The following EML2 variants were observed in gnomAD, a reference collection of about 807,000 sequenced individuals.
EML2 encodes EMAP like 2.
Under a neutral mutation model 84.7 loss-of-function variants are expected in EML2, and 59 were observed. The observed-to-expected ratio is 0.70, with a 90% CI of 0.56 to 0.86. The LOEUF (loss-of-function observed/expected upper bound fraction) is 0.86. EML2 is among the 40% of genes least tolerant of loss of function. EML2 has a pLI of 0.00. For synonymous variants in EML2, 352 were observed against 348.9 expected, an observed-to-expected ratio of 1.01 and a Z score of -0.10; for missense variants, 818 against 855.6, an observed-to-expected ratio of 0.96 and a Z score of 0.55.
chr19:45,613,345 G>C (rs547727632), intron 18 of EML2, among the ~76,000 whole-genome samples, 196 bp downstream of exon 18: 4 of 152,146 alleles, frequency 2.6e-5, no homozygotes, highest in Non-Finnish European at 5.9e-5. Flanking sequence ...CAGAGAACCA[G>C]GTCTTCACCA....
intron 16 of EML2, 42 bp downstream of exon 16, chr19:45,615,760 T>C (rs1314282009): frequency 1.3e-6 from 2 of 1,524,128 alleles, no homozygotes; most frequent in East Asian, 2.3e-5. Context: ...AGTCTGCAAA[T>C]GAGACGGAGG....
At chr19:45,645,623 G>T, upstream of EML2, 1 of 574,052 alleles carries the variant, frequency 1.7e-6, no homozygotes, top group Non-Finnish European at 2.9e-6. Context: ...GCCCACAACC[G>T]GAGTATAGTC....
chr19:45,634,123 A>G (rs1160624720), intron 4 of EML2, among the ~76,000 whole-genome samples, 199 bp downstream of exon 4: 1 of 152,144 alleles, frequency 6.6e-6, no homozygotes, highest in Non-Finnish European at 1.5e-5. Flanking sequence ...CACCTGAAAT[A>G]TTGAAATATT....
At chr19:45,615,672 A>G in intron 16 of EML2, 130 bp downstream of exon 16, 3 of 776,666 alleles carry the variant, frequency 3.9e-6, no homozygotes, top group Non-Finnish European at 6.5e-6. Context: ...GCGGTCCCTA[A>G]ATTCCAAATC....
chr19:45,615,722 C>T (rs1402338833), intron 16 of EML2, 80 bp downstream of exon 16: 7 of 1,241,238 alleles, frequency 5.6e-6, no homozygotes, highest in Non-Finnish European at 7.1e-6. Flanking sequence ...GGCTTGAAGC[C>T]CCTCCCTCCC....
chr19:45,640,266 T>G (rs1268930100), upstream of EML2: 1 of 152,218 alleles, frequency 6.6e-6, no homozygotes, highest in Non-Finnish European at 1.5e-5. Flanking sequence ...TCGACCAAAC[T>G]GGAGTGCAAT....
At chr19:45,645,126 C>T (rs1974930977), upstream of EML2, 4 of 916,048 alleles carry the variant, frequency 4.4e-6, no homozygotes, top group Admixed American at 5.8e-5. Flanking sequence ...AGGGACCTTG[C>T]TCTTGGGTCA....
chr19:45,630,346 G>C (rs1568469640), intron 6 of EML2, among the ~76,000 whole-genome samples: 1 of 151,628 alleles, frequency 6.6e-6, no homozygotes, highest in East Asian at 1.9e-4. Context: ...GAGGTCAGGA[G>C]TTCGAGGCCA....
rs1378989670 is a variant in EML2, at chr19:45,609,740, C to T, written c.1873G>A (p.Ala625Thr). ...GGHSSHVTNV[A>T]FLWDDSMALT... ...GCCATGCTGTCATCCCACAAGAAGG[C>T]CACATTTGTCACATGGCTGCTGTGT... The change falls in exon 19 of 19, where the codon GCC becomes ACC. Residue 625 changes from alanine to threonine, a missense_variant. Ala to Thr is a moderately conservative substitution (Grantham distance 58). Coordinates refer to ENST00000245925, the MANE Select transcript of EML2 (RefSeq NM_012155.4). 6.2e-7 allele frequency: 1 copy of T among 1,613,332 alleles called. No homozygotes were observed. The highest frequency in any genetic ancestry group is 8.5e-7 in the Non-Finnish European group (1 of 1,179,764).
In EML2 at chr19:45,632,703, C is replaced by T. The variant is rs1400170266; in HGVS notation, c.510+158G>A. The T allele has an allele frequency of 9.4e-6, 6 of 641,652 alleles. No homozygotes were observed. In the African/African-American group the frequency reaches 1.1e-4, roughly 12 times the overall value. The allele number at this position is 641,652 out of a possible 1,614,324, so 39.7% of individuals were successfully genotyped here. A position where few individuals can be genotyped will look rare whatever the true frequency, so the allele number is the denominator to read the frequency against. On this transcript the variant is annotated intron_variant, in intron 6 of 18. Transcript: ENST00000245925. ...GGCGGGCACGGTGACTCACCCGCCC[C>T]TTGGGGTGAGGACACGCCCTCATTG... is the stretch of plus-strand genomic sequence containing the variant.
At chr19:45,631,755 G>A (rs1055787247) in intron 6 of EML2, among the ~76,000 whole-genome samples, 1 of 151,948 alleles carries the variant, frequency 6.6e-6, no homozygotes, top group Admixed American at 6.6e-5. Flanking sequence ...GCCCAAGTTG[G>A]AGTGTAGTGG....
At chr19:45,629,034 C>G (rs967809900) in intron 7 of EML2, among the ~76,000 whole-genome samples, 1 of 152,226 alleles carries the variant, frequency 6.6e-6, no homozygotes, top group Middle Eastern at 3.4e-3. Flanking sequence ...CCACCTCAAA[C>G]CCACCCTTCT....
intron 11 of EML2, among the ~76,000 whole-genome samples, chr19:45,620,593 C>T (rs1971566648): frequency 6.6e-6 from 1 of 151,390 alleles, no homozygotes; most frequent in African/African-American, 2.4e-5. Flanking sequence ...CCTATAATTC[C>T]AGCTACTCGG....
At chr19:45,618,573 G>C (rs1193982101) in intron 12 of EML2, among the ~76,000 whole-genome samples, 1 of 151,918 alleles carries the variant, frequency 6.6e-6, no homozygotes, top group Non-Finnish European at 1.5e-5. Flanking sequence ...CTCCCTTCCA[G>C]TCAAGAACCT....
chr19:45,644,145 C>T (rs1974852340), upstream of EML2, among the ~76,000 whole-genome samples: 2 of 152,178 alleles, frequency 1.3e-5, 1 homozygote, highest in South Asian at 4.1e-4. Flanking sequence ...AGCACGTTCC[C>T]GGCTCATGTT....
intron 16 of EML2, among the ~76,000 whole-genome samples, chr19:45,615,528 TAATA>T (rs1003644521): frequency 2.3e-5 from 3 of 128,250 alleles, no homozygotes; most frequent in African/African-American, 3.6e-5. Context: ...AAAATAATAA[TAATA>T]ATAATAATAA....
At position 45,632,912 on chromosome 19, in the gene EML2, C is replaced by T. The variant is rs751446112; in HGVS notation, c.459G>A (p.Leu153=). Residue 153 remains leucine, a synonymous_variant, in exon 6 of 19, where the codon CTG becomes CTA. Coordinates refer to ENST00000245925, the MANE Select transcript of EML2 (RefSeq NM_012155.4). ...DSVSLSTLHV[L]GLGVFDRAVC... ...CGGCTCTGTCAAACACCCCCAAGCCCAGCACGTGTAAGGTGGAGAGGGAAA... is the reference window on the plus strand; with the variant it reads ...CGGCTCTGTCAAACACCCCCAAGCCTAGCACGTGTAAGGTGGAGAGGGAAA... 1.5e-5 allele frequency: 25 copies of T among 1,614,086 alleles called. No homozygotes were observed. Among genetic ancestry groups the T allele is most frequent in the Middle Eastern group, 1.6e-4 (1 of 6,084 alleles).
intron 5 of EML2, 31 bp downstream of exon 5, chr19:45,633,039 C>G (rs1973262769): frequency 3.1e-6 from 5 of 1,593,306 alleles, no homozygotes; most frequent in Admixed American, 1.8e-5. Flanking sequence ...GCGTCCTGCA[C>G]TCTTTTCTGC....
intron 17 of EML2, among the ~76,000 whole-genome samples, chr19:45,614,271 G>A (rs1372593721): frequency 6.6e-6 from 1 of 152,128 alleles, no homozygotes; most frequent in Admixed American, 6.6e-5. Context: ...AGGAGAGCAG[G>A]GCCGTCAGTC....
Sources: gnomAD v4.1 joint callset for allele counts (sites outside exome capture counted in the v4.1 genomes callset) on GRCh38, gnomAD v4.1.1 for gene constraint, MANE v1.5 for transcripts, NCBI Gene and HGNC (gene_info 2026-07-23, HGNC 2026-07-21) for gene names.